The following MOB3B variants were observed in gnomAD, a reference collection of about 807,000 sequenced individuals.
The protein encoded by MOB3B is MOB kinase activator-like 2B.
Under a neutral mutation model 18.7 loss-of-function variants are expected in MOB3B, and 7 were observed. The ratio of observed to expected loss-of-function variants is 0.37; its 90% CI spans 0.21 to 0.70. The LOEUF (loss-of-function observed/expected upper bound fraction) is 0.70. MOB3B is among the 30% of genes least tolerant of loss of function. The pLI is 0.52. For synonymous variants in MOB3B, 111 were observed against 99.9 expected (o/e 1.11, Z -0.66); for missense variants, 253 against 281.3 (o/e 0.90, Z 0.72).
At chr9:27,504,479 C>T (rs1400061416) in intron 1 of MOB3B, among the ~76,000 whole-genome samples, 6 of 152,240 alleles carry the variant, frequency 3.9e-5, no homozygotes, top group Non-Finnish European at 7.3e-5. Flanking sequence ...TGGCCAATCA[C>T]ATCACTTCTT....
At chr9:27,413,901 G>A (rs1233091999) in intron 2 of MOB3B, among the ~76,000 whole-genome samples, 1 of 152,140 alleles carries the variant, frequency 6.6e-6, no homozygotes, top group African/African-American at 2.4e-5. Context: ...GGTTCCTGAG[G>A]CTATTTAAAA....
chr9:27,336,771 C>T (rs1056199195), intron 3 of MOB3B, among the ~76,000 whole-genome samples: 1 of 152,070 alleles, frequency 6.6e-6, no homozygotes, highest in Non-Finnish European at 1.5e-5. Context: ...CGCCCGCACA[C>T]GTGTATACTC....
At chr9:27,447,708 C>G (rs1444484051) in intron 2 of MOB3B, among the ~76,000 whole-genome samples, 1 of 152,164 alleles carries the variant, frequency 6.6e-6, no homozygotes, top group African/African-American at 2.4e-5. Context: ...ATTTGTTGAG[C>G]AGGGGTGGTT....
chr9:27,496,206 T>C (rs1017546326), intron 1 of MOB3B, among the ~76,000 whole-genome samples: 1 of 152,236 alleles, frequency 6.6e-6, no homozygotes, highest in Non-Finnish European at 1.5e-5. Context: ...TTTACATGCT[T>C]AATCCTACTG....
At chr9:27,411,672 C>G (rs1049071444) in intron 2 of MOB3B, among the ~76,000 whole-genome samples, 2 of 152,096 alleles carry the variant, frequency 1.3e-5, no homozygotes, top group African/African-American at 4.8e-5. Flanking sequence ...AATAAATAAA[C>G]ATAAAAATGG....
chr9:27,395,599 T>C (rs1821787268), intron 2 of MOB3B, among the ~76,000 whole-genome samples: 1 of 152,212 alleles, frequency 6.6e-6, no homozygotes, highest in South Asian at 2.1e-4. Context: ...AGGGAGCGAA[T>C]GTGATTCAAT....
rs370839651 is a variant in MOB3B, at chr9:27,342,191, A to G, written c.622-11575T>C. Among the ~76,000 whole-genome samples, 112 of 152,290 alleles carry G rather than the reference A, an allele frequency of 7.4e-4. 2 individuals are homozygous for G. The South Asian group carries it at 0.023, about 31-fold the overall frequency. On this transcript the variant is annotated intron_variant, in intron 3 of 3. Transcript: ENST00000262244. ...GAAAAGCTGGCTGACCTCGCGTCGC[A>G]CCATGCCAATACCATGACCAGTGAG...
intron 2 of MOB3B, among the ~76,000 whole-genome samples, chr9:27,423,571 A>G (rs1014505808): frequency 3.3e-5 from 5 of 152,182 alleles, no homozygotes. Context: ...AAATCAATAA[A>G]GTTGGATTTA....
rs369434254 is a variant in MOB3B at position 27,330,365 on chromosome 9, C to T, written c.*222G>A. The T allele has an allele frequency of 1.9e-6, 1 of 517,678 alleles. No homozygotes were observed. The allele number at this position is 517,678 out of a possible 1,614,324, so 32.1% of individuals were successfully genotyped here. On this transcript the variant is annotated 3_prime_UTR_variant, in exon 4 of 4. Transcript: ENST00000262244. ...ACGGTCAAGGGGCTGGTCCTTCTTT[C>T]ACGTTGTGGTCTGCCTCGTCCACAG...
At chr9:27,385,126 A>AG (rs1821633287) in intron 2 of MOB3B, among the ~76,000 whole-genome samples, 1 of 152,136 alleles carries the variant, frequency 6.6e-6, no homozygotes, top group African/African-American at 2.4e-5. Context: ...GGGGATGAGG[A>AG]GGGGGGCAAA....
intron 2 of MOB3B, among the ~76,000 whole-genome samples, chr9:27,388,251 G>A (rs184739120): frequency 7.9e-5 from 12 of 152,162 alleles, no homozygotes; most frequent in South Asian, 2.1e-4. Context: ...ACTGATTTGC[G>A]TCTAAAATGA....
chr9:27,370,506 C>G, intron 2 of MOB3B, among the ~76,000 whole-genome samples: 1 of 126,670 alleles, frequency 7.9e-6, no homozygotes, highest in South Asian at 2.4e-4. Flanking sequence ...GAAACTCCAT[C>G]TCAGAAAAAA....
intron 1 of MOB3B, among the ~76,000 whole-genome samples, chr9:27,509,783 G>A (rs921612921): frequency 6.6e-6 from 1 of 151,870 alleles, no homozygotes; most frequent in Non-Finnish European, 1.5e-5. Flanking sequence ...GGAGTGCAGT[G>A]GCACAATCCC....
At chr9:27,458,607 G>C (rs1180504727) in intron 1 of MOB3B, among the ~76,000 whole-genome samples, 3 of 138,716 alleles carry the variant, frequency 2.2e-5, no homozygotes, top group African/African-American at 7.9e-5. Context: ...CTGGAGTGGT[G>C]TGGTGTGATC....
intron 2 of MOB3B, among the ~76,000 whole-genome samples, chr9:27,399,352 A>G (rs1176597019): frequency 1.3e-5 from 2 of 152,218 alleles, no homozygotes; most frequent in East Asian, 1.9e-4. Flanking sequence ...ACTGGGCAGT[A>G]CAAGAGAGGA....
At chr9:27,503,636 G>A (rs1291040009) in intron 1 of MOB3B, among the ~76,000 whole-genome samples, 2 of 152,252 alleles carry the variant, frequency 1.3e-5, no homozygotes, top group Non-Finnish European at 1.5e-5. Flanking sequence ...AAGTTTGGCT[G>A]TCCAGTGGCA....
chr9:27,374,565 G>A (rs1301157081), intron 2 of MOB3B, among the ~76,000 whole-genome samples: 1 of 152,070 alleles, frequency 6.6e-6, no homozygotes, highest in East Asian at 1.9e-4. Flanking sequence ...GGGAAGAGGA[G>A]GGAGAGGACA....
intron 2 of MOB3B, among the ~76,000 whole-genome samples, chr9:27,445,062 G>T (rs755985225): frequency 1.3e-5 from 2 of 152,122 alleles, no homozygotes; most frequent in Non-Finnish European, 2.9e-5. Flanking sequence ...TTTTTCTTCA[G>T]CTGGTAAATA....
At chr9:27,509,112 C>T (rs1456158681) in intron 1 of MOB3B, among the ~76,000 whole-genome samples, 1 of 152,192 alleles carries the variant, frequency 6.6e-6, no homozygotes, top group Non-Finnish European at 1.5e-5. Flanking sequence ...GAAAAGCCAG[C>T]AAAATTGTTG....
Sources: gnomAD v4.1 joint callset for allele counts (sites outside exome capture counted in the v4.1 genomes callset) on GRCh38, gnomAD v4.1.1 for gene constraint, MANE v1.5 for transcripts, NCBI Gene and HGNC (gene_info 2026-07-23, HGNC 2026-07-21) for gene names.